ARL3: variants seen among roughly 807,000 people sequenced by gnomAD.
ARL3 encodes the protein ARF like GTPase 3.
ARL3 carries 9 observed loss-of-function variants against 26.0 expected under a neutral mutation model. That is an observed-to-expected ratio of 0.35 (90% CI 0.21 to 0.60). The LOEUF (loss-of-function observed/expected upper bound fraction) is 0.60. ARL3 is among the 20% of genes least tolerant of loss of function. The pLI is 0.78. For synonymous variants in ARL3, 71 were observed against 78.4 expected (o/e 0.91, Z 0.50); for missense variants, 158 against 215.7 (o/e 0.73, Z 1.67).
At chr10:102,702,476 C>T (rs1020622007) in intron 2 of ARL3, among the ~76,000 whole-genome samples, 23 of 152,048 alleles carry the variant, frequency 1.5e-4, no homozygotes, top group African/African-American at 5.3e-4. Context: ...AATATGAAAC[C>T]TTGACACAAT....
At chr10:102,685,217 C>CCAG (rs1405914645) in intron 5 of ARL3, among the ~76,000 whole-genome samples, 1 of 143,460 alleles carries the variant, frequency 7.0e-6, no homozygotes, top group Non-Finnish European at 1.5e-5. Context: ...CCACTGCACT[C>CCAG]CAGCCTGGGC....
chr10:102,706,170 C>T (rs1038149733), intron 1 of ARL3, among the ~76,000 whole-genome samples: 3 of 152,002 alleles, frequency 2.0e-5, no homozygotes, highest in African/African-American at 7.2e-5. Context: ...AAGATTTTAT[C>T]GCCGGGCACG....
chr10:102,699,274 T>C, intron 3 of ARL3, 99 bp downstream of exon 3: 2 of 797,960 alleles, frequency 2.5e-6, no homozygotes, highest in Non-Finnish European at 4.4e-6. Context: ...ATTAATGTTA[T>C]GGTGGTGGAA....
intron 4 of ARL3, among the ~76,000 whole-genome samples, chr10:102,688,383 T>A (rs1735740498): frequency 6.6e-6 from 1 of 152,090 alleles, no homozygotes; most frequent in African/African-American, 2.4e-5. Flanking sequence ...TCTGGAGAGT[T>A]CTCAACTCAA....
At chr10:102,711,927 C>T (rs1014006736) in intron 1 of ARL3, among the ~76,000 whole-genome samples, 11 of 152,072 alleles carry the variant, frequency 7.2e-5, no homozygotes, top group African/African-American at 2.7e-4. Flanking sequence ...GGGCCATTTT[C>T]TAACCAGAAA....
intron 5 of ARL3, among the ~76,000 whole-genome samples, chr10:102,678,237 C>T (rs2064139870): frequency 6.6e-6 from 1 of 152,130 alleles, no homozygotes; most frequent in African/African-American, 2.4e-5. Flanking sequence ...CTGGCAGCAG[C>T]AGGGGGAAGG....
intron 3 of ARL3, among the ~76,000 whole-genome samples, chr10:102,696,882 TA>T (rs1303859666): frequency 6.6e-6 from 1 of 152,172 alleles, no homozygotes; most frequent in East Asian, 1.9e-4. Context: ...AGCTGGCTTA[TA>T]TAGTCATGTG....
At chr10:102,705,214 C>T (rs2064302867) in intron 2 of ARL3, 132 bp downstream of exon 2, 2 of 1,120,786 alleles carry the variant, frequency 1.8e-6, no homozygotes, top group Non-Finnish European at 2.4e-6. Flanking sequence ...ATCTGGTTAT[C>T]TTTAGATTGT....
At chr10:102,681,526 A>G (rs1007221095) in intron 5 of ARL3, among the ~76,000 whole-genome samples, 3 of 152,188 alleles carry the variant, frequency 2.0e-5, no homozygotes, top group Admixed American at 2.0e-4. Flanking sequence ...GGCACGGATC[A>G]CAGCTCGGCG....
intron 5 of ARL3, among the ~76,000 whole-genome samples, chr10:102,678,418 A>C (rs2064140707): frequency 6.6e-6 from 1 of 152,244 alleles, no homozygotes; most frequent in Non-Finnish European, 1.5e-5. Flanking sequence ...TTCCAGGAAA[A>C]AAAAAAGATC....
At chr10:102,681,668 G>A (rs146327761) in intron 5 of ARL3, among the ~76,000 whole-genome samples, 3 of 152,212 alleles carry the variant, frequency 2.0e-5, no homozygotes, top group African/African-American at 7.2e-5. Flanking sequence ...AGCATGAGGG[G>A]GTGGCCTGGA....
At chr10:102,690,555 G>C (rs551005307) in intron 3 of ARL3, among the ~76,000 whole-genome samples, 3 of 151,864 alleles carry the variant, frequency 2.0e-5, no homozygotes, top group African/African-American at 7.2e-5. Flanking sequence ...TAAAGTGCTG[G>C]GATTACAAGC....
At chr10:102,676,979 A>C in intron 5 of ARL3, 38 bp from the exon 6 acceptor site, 1 of 1,609,094 alleles carries the variant, frequency 6.2e-7, no homozygotes, top group Non-Finnish European at 8.5e-7. Context: ...AGTGTTAGTT[A>C]TAAGAAAAGC....
intron 3 of ARL3, among the ~76,000 whole-genome samples, chr10:102,692,949 G>T (rs1748105892): frequency 6.6e-6 from 1 of 152,172 alleles, no homozygotes; most frequent in Non-Finnish European, 1.5e-5. Flanking sequence ...GCCCGCCTTG[G>T]CCTCCCAAAC....
chr10:102,685,560 G>A (rs966142886), intron 5 of ARL3, among the ~76,000 whole-genome samples: 1 of 152,202 alleles, frequency 6.6e-6, no homozygotes. Flanking sequence ...TAGAGTTAGA[G>A]ACAATCCTCA....
At position 102,675,574 on chromosome 10, in the gene ARL3, C is replaced by T. The variant is rs571368138; in HGVS notation, c.*1320G>A. Reference sequence around the variant, plus strand: ...CCGGGCAATGCTCTGGCCTGTTTCCCCATGTTTGAAGCTGAGGATTTCTGA... The same window carrying T: ...CCGGGCAATGCTCTGGCCTGTTTCCTCATGTTTGAAGCTGAGGATTTCTGA... On this transcript the variant is annotated 3_prime_UTR_variant, in exon 6 of 6. Coordinates refer to ENST00000260746, the MANE Select transcript of ARL3 (RefSeq NM_004311.4). The T allele has an allele frequency of 2.6e-5, 4 of 152,326 alleles. No homozygotes were observed. In the East Asian group the frequency reaches 5.8e-4, roughly 22 times the overall value. The allele number at this position is 152,326 out of a possible 1,614,324, so 9.4% of individuals were successfully genotyped here.
Position 102,699,365 on chromosome 10 carries a change from G to A in ARL3, c.264+8C>T, listed in dbSNP as rs1345216195. ...ACTATGAATTAGTGCGTCAGAAGGA[G>A]TACTTACAAGAATATCGGTATTTTC... On this transcript the variant is annotated splice_region_variant and intron_variant, in intron 3 of 5. Coordinates refer to ENST00000260746, the MANE Select transcript of ARL3 (RefSeq NM_004311.4). 2 of 1,508,826 alleles carry A rather than the reference G, an allele frequency of 1.3e-6. No individual in the cohort carries two copies. Among genetic ancestry groups the A allele is most frequent in the Non-Finnish European group, 1.8e-6 (2 of 1,084,690 alleles). 93.5% of individuals were successfully genotyped at this position (1,508,826 alleles called of 1,614,324 possible). A position where few individuals can be genotyped will look rare whatever the true frequency, so the allele number is the denominator to read the frequency against.
At chr10:102,695,768 C>T (rs1018516394) in intron 3 of ARL3, among the ~76,000 whole-genome samples, 8 of 152,252 alleles carry the variant, frequency 5.3e-5, no homozygotes, top group Admixed American at 1.3e-4. Context: ...CCACTTGCCT[C>T]GGCCTCCCAA....
At chr10:102,704,809 G>A (rs1358430242) in intron 2 of ARL3, among the ~76,000 whole-genome samples, 1 of 152,060 alleles carries the variant, frequency 6.6e-6, no homozygotes, top group African/African-American at 2.4e-5. Context: ...ACATGTGCGG[G>A]TGGGGAAGGT....
Sources: allele counts gnomAD v4.1 joint callset (sites outside exome capture counted in the v4.1 genomes callset), GRCh38; gene constraint gnomAD v4.1.1; transcripts MANE v1.5; gene names NCBI Gene and HGNC (gene_info 2026-07-23, HGNC 2026-07-21).